EFNA5: variants seen among roughly 807,000 people sequenced by gnomAD.
EFNA5 encodes the protein ephrin A5, also known as ephrin-A5.
A neutral mutation model predicts 22.9 loss-of-function variants in EFNA5; 5 were observed. That is an observed-to-expected ratio of 0.22 (90% CI 0.11 to 0.46). The LOEUF (loss-of-function observed/expected upper bound fraction) is 0.46, where lower values mean the gene tolerates loss of function less well. Ranked by LOEUF, EFNA5 falls within the 20% of genes least tolerant of loss-of-function variation. The pLI is 0.99. For missense variants in EFNA5, 237 were observed against 293.3 expected (o/e 0.81, Z 1.40); for synonymous variants, 113 against 112.2 (o/e 1.01, Z -0.04).
At chr5:107,614,986 A>G (rs1260955403) in intron 1 of EFNA5, among the ~76,000 whole-genome samples, 1 of 152,158 alleles carries the variant, frequency 6.6e-6, no homozygotes, top group Non-Finnish European at 1.5e-5. Flanking sequence ...TAAACAAATT[A>G]TTTAGGAGCC....
At chr5:107,387,396 T>G in intron 3 of EFNA5, 81 bp from the exon 4 acceptor site, 1 of 948,192 alleles carries the variant, frequency 1.1e-6, no homozygotes, top group Non-Finnish European at 1.6e-6. Flanking sequence ...TTTCTTTCTC[T>G]CCTTTTTTTC....
At chr5:107,601,073 G>A (rs763106486) in intron 1 of EFNA5, among the ~76,000 whole-genome samples, 97 of 152,286 alleles carry the variant, frequency 6.4e-4, no homozygotes, top group Non-Finnish European at 1.1e-3. Flanking sequence ...GGAAAACTTA[G>A]AGAACTCATC....
chr5:107,396,152 C>G (rs1391902580), intron 2 of EFNA5, among the ~76,000 whole-genome samples: 1 of 152,152 alleles, frequency 6.6e-6, no homozygotes, highest in Admixed American at 6.5e-5. Flanking sequence ...TTTCTGTGAG[C>G]CTTTCAAAAC....
At chr5:107,600,064 T>A (rs764667375) in intron 1 of EFNA5, among the ~76,000 whole-genome samples, 1 of 152,236 alleles carries the variant, frequency 6.6e-6, no homozygotes, top group Non-Finnish European at 1.5e-5. Context: ...AGAACCTGGA[T>A]GCTAAAGTTC....
chr5:107,662,985 A>G (rs1324493014), intron 1 of EFNA5, among the ~76,000 whole-genome samples: 5 of 152,106 alleles, frequency 3.3e-5, no homozygotes, highest in South Asian at 2.1e-4. Context: ...ACATTAATAT[A>G]TAATATGCCT....
chr5:107,410,081 T>G (rs1188763318), intron 2 of EFNA5, among the ~76,000 whole-genome samples: 1 of 139,930 alleles, frequency 7.1e-6, no homozygotes, highest in Admixed American at 8.0e-5. Context: ...CAGGCTGGAG[T>G]GCAGCGGCGC....
chr5:107,503,003 TTTGCCCGAGTCTG>T (rs1747168977), intron 1 of EFNA5, among the ~76,000 whole-genome samples: 1 of 152,106 alleles, frequency 6.6e-6, no homozygotes. Flanking sequence ...ATTACAGGCT[TTTGCCCGAGTCTG>T]AAATTGAATT....
At chr5:107,387,563 A>G (rs1747661131) in intron 3 of EFNA5, 143 bp downstream of exon 3, 2 of 687,974 alleles carry the variant, frequency 2.9e-6, no homozygotes, top group East Asian at 5.0e-5. Context: ...AATATGATGA[A>G]AACTAAAATA....
chr5:107,471,484 G>A (rs1750139637), intron 1 of EFNA5, among the ~76,000 whole-genome samples: 1 of 152,206 alleles, frequency 6.6e-6, no homozygotes, highest in Admixed American at 6.5e-5. Context: ...CATGGTCCCA[G>A]TAACATTTTA....
chr5:107,413,684 T>C (rs1032104986), intron 2 of EFNA5, among the ~76,000 whole-genome samples: 10 of 152,186 alleles, frequency 6.6e-5, no homozygotes, highest in Non-Finnish European at 1.0e-4. Flanking sequence ...AAGAAATTTA[T>C]TTTATGATAA....
At chr5:107,475,256 T>A (rs1244906990) in intron 1 of EFNA5, among the ~76,000 whole-genome samples, 4 of 152,230 alleles carry the variant, frequency 2.6e-5, no homozygotes, top group Non-Finnish European at 5.9e-5. Context: ...CAAGAGCTTT[T>A]CAAACAGGTA....
At chr5:107,631,565 C>T (rs1001729437) in intron 1 of EFNA5, among the ~76,000 whole-genome samples, 14 of 151,926 alleles carry the variant, frequency 9.2e-5, no homozygotes, top group African/African-American at 3.4e-4. Context: ...CCATAAAACA[C>T]TGATGGATAT....
chr5:107,583,333 T>C (rs1235692810), intron 1 of EFNA5, among the ~76,000 whole-genome samples: 2 of 152,176 alleles, frequency 1.3e-5, no homozygotes, highest in African/African-American at 4.8e-5. Flanking sequence ...AATATTCTGG[T>C]TCAGACTGAA....
At chr5:107,544,845 A>C (rs576139394) in intron 1 of EFNA5, among the ~76,000 whole-genome samples, 4 of 152,322 alleles carry the variant, frequency 2.6e-5, no homozygotes, top group Non-Finnish European at 4.4e-5. Context: ...ATTTAAATAT[A>C]AGCTGAAAAA....
intron 1 of EFNA5, among the ~76,000 whole-genome samples, chr5:107,565,294 T>G (rs1748642171): frequency 6.6e-6 from 1 of 152,240 alleles, no homozygotes; most frequent in Non-Finnish European, 1.5e-5. Context: ...AGGAAAATAG[T>G]ACGCATAGCT....
At chr5:107,510,389 A>G (rs895231035) in intron 1 of EFNA5, among the ~76,000 whole-genome samples, 1 of 152,192 alleles carries the variant, frequency 6.6e-6, no homozygotes, top group African/African-American at 2.4e-5. Context: ...TTAGCCTATA[A>G]TCAAGAAATA....
chr5:107,545,769 A>C (rs982866890), intron 1 of EFNA5, among the ~76,000 whole-genome samples: 4 of 152,088 alleles, frequency 2.6e-5, no homozygotes, highest in East Asian at 1.9e-4. Context: ...TCTGTAATCA[A>C]CTCGGCTTCA....
At chr5:107,462,125 C>T (rs1411655167) in intron 1 of EFNA5, among the ~76,000 whole-genome samples, 2 of 152,100 alleles carry the variant, frequency 1.3e-5, no homozygotes, top group African/African-American at 2.4e-5. Context: ...GACAGACACA[C>T]ACACCCCACG....
At chr5:107,562,466 T>C (rs1748570315) in intron 1 of EFNA5, among the ~76,000 whole-genome samples, 1 of 152,154 alleles carries the variant, frequency 6.6e-6, no homozygotes, top group African/African-American at 2.4e-5. Flanking sequence ...AAGTATTTAT[T>C]AGGTTGCTTG....
Sources: allele counts gnomAD v4.1 joint callset (sites outside exome capture counted in the v4.1 genomes callset), GRCh38; gene constraint gnomAD v4.1.1; transcripts MANE v1.5; gene names NCBI Gene and HGNC (gene_info 2026-07-23, HGNC 2026-07-21).